Variants in CELSR2 observed in about 807,000 individuals in gnomAD.
CELSR2 encodes the protein EGF-like protein 2.
In CELSR2, 81 loss-of-function variants were observed where a neutral mutation model predicts 251.6. The observed-to-expected ratio is 0.32, with a 90% CI of 0.27 to 0.39. The LOEUF (loss-of-function observed/expected upper bound fraction) is 0.39, where lower values mean the gene tolerates loss of function less well. Among genes scored for constraint, CELSR2 ranks in the 10% least tolerant of loss-of-function variants. The pLI, the probability that CELSR2 is intolerant of heterozygous loss-of-function variation, is 1.00. For missense variants in CELSR2, 3,365 were observed against 3,947.7 expected, an observed-to-expected ratio of 0.85 and a Z score of 3.96; for synonymous variants, 1,721 against 1,670.5, an observed-to-expected ratio of 1.03 and a Z score of -0.74.
At position 109,269,718 on chromosome 1, in the gene CELSR2, G is replaced by A. The variant is rs112535276; in HGVS notation, c.7005G>A (p.Ser2335=). ...SILVSGTGGW[S]ARGCEVVFRN... ...GGGTCAGTGGCACAGGTGGCTGGTC[G>A]GCCAGAGGCTGTGAAGTCGTCTTCC... The change falls in exon 22 of 34, where the codon TCG becomes TCA. Residue 2335 remains serine, a synonymous_variant. Coordinates refer to ENST00000271332, the MANE Select transcript of CELSR2 (RefSeq NM_001408.3). This position sits in a 1 kb window ranked among gnomAD's most constrained non-coding sequence, Gnocchi z 6.4. The A allele has an allele frequency of 5.6e-5, 91 of 1,614,020 alleles. No individual in the cohort carries two copies. In the African/African-American group the frequency reaches 8.5e-4, roughly 15 times the overall value.
At chr1:109,263,469 C>A in intron 8 of CELSR2, 142 bp from the exon 9 acceptor site, 1 of 1,391,182 alleles carries the variant, frequency 7.2e-7, no homozygotes, top group Non-Finnish European at 9.8e-7. Context: ...GGGGCGGTCC[C>A]AGGGCAGGTA....
chr1:109,268,432 T>C, intron 17 of CELSR2, 149 bp from the exon 18 acceptor site: 3 of 1,087,800 alleles, frequency 2.8e-6, no homozygotes, highest in Non-Finnish European at 3.8e-6. Flanking sequence ...GGCAGTGCGG[T>C]CCAGGAGCAT....
chr1:109,251,366 G>C lies in CELSR2; in HGVS notation c.1287G>C (p.Gly429=). The C allele has an allele frequency of 6.2e-7, 1 of 1,614,122 alleles. No individual in the cohort carries two copies. The highest frequency in any genetic ancestry group is 1.1e-5 in the South Asian group (1 of 91,084). ...LRVTASDRDK[G]SNAVVHYSIM... ...TCACAGCCTCGGATCGAGACAAGGG[G>C]AGCAATGCCGTGGTGCACTATAGCA... Residue 429 remains glycine, a synonymous_variant, in exon 1 of 34, where the codon GGG becomes GGC. Transcript: ENST00000271332. The surrounding 1 kb of genome is among the most constrained non-coding windows in gnomAD (Gnocchi z 4.9).
At chr1:109,268,236 TTC>T (rs986335175) in intron 17 of CELSR2, among the ~76,000 whole-genome samples, 176 bp downstream of exon 17, 2 of 152,234 alleles carry the variant, frequency 1.3e-5, no homozygotes, top group African/African-American at 4.8e-5. Context: ...TTCCCAACCC[TTC>T]TCATAGTAAC....
chr1:109,274,494 T>A lies in CELSR2; in HGVS notation c.*445T>A. 1 of 201,150 alleles carries A rather than the reference T, an allele frequency of 5.0e-6. No individual in the cohort carries two copies. 12.5% of individuals were successfully genotyped at this position (201,150 alleles called of 1,614,324 possible). ...GTGCCTCTGGGAGGAGAGGGACTCC[T>A]GGGGGGCCTGCCCCTCATACGCCAT... On this transcript the variant is annotated 3_prime_UTR_variant, in exon 34 of 34. Transcript: ENST00000271332.
chr1:109,251,946 G>A lies in CELSR2; in HGVS notation c.1867G>A (p.Ala623Thr), dbSNP rs757629893. ...GTACACAGTGCGGCTCAATGAGGAT[G>A]CAGCTGTGGGCACCAGCGTGGTGAC... ...PEYTVRLNED[A>T]AVGTSVVTVS... is the part of the protein sequence containing the mutation. The change falls in exon 1 of 34, where the codon GCA becomes ACA. Residue 623 changes from alanine (A) to threonine (T), a missense_variant. By Grantham distance (58) the Ala-to-Thr change is moderately conservative. This residue lies in a region of CELSR2 where 60 missense variants were observed against 104.8 expected (regional missense o/e 0.57). Coordinates refer to ENST00000271332, the MANE Select transcript of CELSR2 (RefSeq NM_001408.3). This position sits in a 1 kb window ranked among gnomAD's most constrained non-coding sequence, Gnocchi z 4.9. 5.0e-6 allele frequency: 8 copies of A among 1,614,034 alleles called. No homozygotes were observed. The Admixed American group carries it at 1.3e-4, about 27-fold the overall frequency.
rs1344663889 is a variant in CELSR2 at position 109,264,238 on chromosome 1, A to G, written c.5162A>G (p.Tyr1721Cys). Reference sequence around the variant, plus strand: ...GGCCATGCCATTCTGTCCTTCGATTATGGGCAGCAGAGAGCAGAGGGCAAC... The same window carrying G: ...GGCCATGCCATTCTGTCCTTCGATTGTGGGCAGCAGAGAGCAGAGGGCAAC... ...GPGHAILSFD[Y>C]GQQRAEGNLG... Residue 1721 changes from tyrosine to cysteine, a missense_variant, in exon 10 of 34, where the codon TAT (tyrosine) becomes TGT (cysteine). Physicochemically the swap from Tyr to Cys is radical, Grantham distance 194. Coordinates refer to ENST00000271332, the MANE Select transcript of CELSR2 (RefSeq NM_001408.3). 6.2e-7 allele frequency: 1 copy of G among 1,613,958 alleles called. No homozygotes were observed. Among genetic ancestry groups the G allele is most frequent in the Admixed American group, 1.7e-5 (1 of 60,030 alleles).
chr1:109,273,562 C>G lies in CELSR2; in HGVS notation c.8636C>G (p.Pro2879Arg). The G allele has an allele frequency of 6.4e-6, 10 of 1,568,122 alleles. No homozygotes were observed. Among genetic ancestry groups the G allele is most frequent in the Non-Finnish European group, 8.6e-6 (10 of 1,156,966 alleles). ...SASEGSRGGP[P>R]PRPPPRQSLQ... The stretch of plus-strand genomic sequence containing the variant: ...AGTGAGGGCAGCCGGGGAGGCCCCC[C>G]TCCCCGCCCACCGCCCCGGCAGAGC... Residue 2879 changes from proline (P) to arginine (R), a missense_variant, in exon 33 of 34, where the codon CCT (proline) becomes CGT (arginine). Transcript: ENST00000271332.
At position 109,252,492 on chromosome 1, in the gene CELSR2, G is replaced by T. The variant is rs953299138; in HGVS notation, c.2413G>T (p.Val805Leu). 1.3e-5 allele frequency: 21 copies of T among 1,613,748 alleles called. No individual in the cohort carries two copies. Among genetic ancestry groups the T allele is most frequent in the Non-Finnish European group, 1.8e-5 (21 of 1,180,030 alleles). The change falls in exon 1 of 34, where the codon GTG becomes TTG. Residue 805 changes from valine to leucine, a missense_variant. Transcript: ENST00000271332. The surrounding 1 kb of genome is among the most constrained non-coding windows in gnomAD (Gnocchi z 4.8). ...KSDTTYLEIL[V>L]NDVNDNAPQF... ...CGACACCACCTACCTGGAGATCCTGGTGAACGACGTGAATGACAATGCCCC... is the reference window on the plus strand; with the variant it reads ...CGACACCACCTACCTGGAGATCCTGTTGAACGACGTGAATGACAATGCCCC...
rs552633270 is a variant in CELSR2 at position 109,273,533 on chromosome 1, C to G, written c.8607C>G (p.Ser2869=). Reference sequence around the variant, plus strand: ...GCACAGGGTCTTCCCGGGGCTCCTCCGCTAGTGAGGGCAGCCGGGGAGGCC... The same window carrying G: ...GCACAGGGTCTTCCCGGGGCTCCTCGGCTAGTGAGGGCAGCCGGGGAGGCC... ...EQCTGSSRGS[S]ASEGSRGGPP... The change falls in exon 33 of 34, where the codon TCC becomes TCG. Residue 2869 remains serine, a synonymous_variant. Coordinates refer to ENST00000271332, the MANE Select transcript of CELSR2 (RefSeq NM_001408.3). The G allele has an allele frequency of 1.3e-6, 2 of 1,596,046 alleles. No homozygotes were observed. The highest frequency in any genetic ancestry group is 2.3e-5 in the South Asian group (2 of 88,690).
In CELSR2 at chr1:109,252,314, C is replaced by G. The variant is rs1200217065; in HGVS notation, c.2235C>G (p.Ala745=). Residue 745 remains alanine, a synonymous_variant, in exon 1 of 34, where the codon GCC becomes GCG. Transcript: ENST00000271332. This position sits in a 1 kb window ranked among gnomAD's most constrained non-coding sequence, Gnocchi z 4.8. ...CGGATGAGGACACAGGTGAGAATGCCCGCATCACCTACTTCATGGAGGACA... is the reference window on the plus strand; with the variant it reads ...CGGATGAGGACACAGGTGAGAATGCGCGCATCACCTACTTCATGGAGGACA... The part of the protein sequence containing the change: ...SATDEDTGEN[A]RITYFMEDSI... 6.2e-7 allele frequency: 1 copy of G among 1,613,132 alleles called. No homozygotes were observed. Among genetic ancestry groups the G allele is most frequent in the South Asian group, 1.1e-5 (1 of 91,084 alleles).
chr1:109,259,491 A>G (rs1461260558), intron 2 of CELSR2, among the ~76,000 whole-genome samples: 1 of 152,232 alleles, frequency 6.6e-6, no homozygotes, highest in African/African-American at 2.4e-5. Context: ...ATACTTGGAA[A>G]CAGCTGGTGG....
intron 2 of CELSR2, 116 bp from the exon 3 acceptor site, chr1:109,260,926 G>A: frequency 1.4e-6 from 1 of 719,646 alleles, no homozygotes; most frequent in Middle Eastern, 3.8e-4. Context: ...TGGGAGGTTT[G>A]GGGAGTATTA....
intron 1 of CELSR2, among the ~76,000 whole-genome samples, chr1:109,255,079 G>A (rs561737186): frequency 4.6e-5 from 7 of 152,152 alleles, no homozygotes; most frequent in African/African-American, 1.7e-4. Flanking sequence ...AAGGCTCGGG[G>A]CAACATCCAG....
Position 109,264,329 on chromosome 1 carries a change from C to T in CELSR2, c.5253C>T (p.Ala1751=), listed in dbSNP as rs557805165. The T allele has an allele frequency of 5.0e-5, 81 of 1,612,164 alleles. No homozygotes were observed. Among genetic ancestry groups the T allele is most frequent in the East Asian group, 1.1e-4 (5 of 44,818 alleles). Reference sequence around the variant, plus strand: ...CAGTGGGCGGAATACCTGGGCCAGCCGGCGGTGTGGCCCGTGGCTTTCGGG... The same window carrying T: ...CAGTGGGCGGAATACCTGGGCCAGCTGGCGGTGTGGCCCGTGGCTTTCGGG... ...NITVGGIPGP[A]GGVARGFRGC... Residue 1751 remains alanine, a synonymous_variant, in exon 10 of 34, where the codon GCC becomes GCT. Transcript: ENST00000271332.
In CELSR2 at chr1:109,272,869, A is replaced by G; in HGVS notation, c.8180A>G (p.Glu2727Gly). 6.2e-7 allele frequency: 1 copy of G among 1,613,818 alleles called. No homozygotes were observed. The highest frequency in any genetic ancestry group is 8.5e-7 in the Non-Finnish European group (1 of 1,179,900). The part of the protein sequence containing the change: ...DTDSDSDLSL[E>G]DDQSGSYAST... ...GACTCCGACAGTGACCTGTCCTTAGAAGACGACCAGAGTGGCTCCTATGCC... is the reference window on the plus strand; with the variant it reads ...GACTCCGACAGTGACCTGTCCTTAGGAGACGACCAGAGTGGCTCCTATGCC... The change falls in exon 31 of 34, where the codon GAA becomes GGA. Residue 2727 changes from glutamate to glycine, a missense_variant. Coordinates refer to ENST00000271332, the MANE Select transcript of CELSR2 (RefSeq NM_001408.3).
chr1:109,274,167 C>T lies in CELSR2; in HGVS notation c.*118C>T, dbSNP rs1200853070. The T allele has an allele frequency of 1.6e-5, 26 of 1,598,420 alleles. No homozygotes were observed. The highest frequency in any genetic ancestry group is 1.6e-4 in the East Asian group (7 of 44,672). The stretch of plus-strand genomic sequence containing the variant: ...CCCCATCGCCTGCCCGCAGCAGCGA[C>T]GAAACGTCCATCTGAGGAGCCTGGG... On this transcript the variant is annotated 3_prime_UTR_variant, in exon 34 of 34. Transcript: ENST00000271332.
At chr1:109,263,087 C>A in intron 7 of CELSR2, 55 bp from the exon 8 acceptor site, 1 of 1,580,524 alleles carries the variant, frequency 6.3e-7, no homozygotes, top group Admixed American at 1.7e-5. Flanking sequence ...CTGCCACAGG[C>A]TTTCTCTTTA....
Position 109,250,262 on chromosome 1 carries a change from A to G in CELSR2, c.183A>G (p.Ser61=), listed in dbSNP as rs375982728. The change falls in exon 1 of 34, where the codon TCA becomes TCG. Residue 61 remains serine (S), a synonymous_variant. Coordinates refer to ENST00000271332, the MANE Select transcript of CELSR2 (RefSeq NM_001408.3). This position sits in a 1 kb window ranked among gnomAD's most constrained non-coding sequence, Gnocchi z 4.4. ...CCATGGGCTGGCTCTGTCCATCCTC[A>G]GCGTCGAACCTCTGGCTCTACACCA... ...CAPMGWLCPS[S]ASNLWLYTSR... is the part of the protein sequence containing the mutation. The G allele has an allele frequency of 3.7e-6, 6 of 1,612,108 alleles. No individual in the cohort carries two copies. The highest frequency in any genetic ancestry group is 2.7e-5 in the African/African-American group (2 of 74,868).
Sources: allele counts gnomAD v4.1 joint callset (sites outside exome capture counted in the v4.1 genomes callset), GRCh38; gene constraint gnomAD v4.1.1; regional missense constraint gnomAD v4.1.1; non-coding constraint Gnocchi (gnomAD v3.1); transcripts MANE v1.5; gene names NCBI Gene and HGNC (gene_info 2026-07-23, HGNC 2026-07-21).